MED9: variants seen among roughly 807,000 people sequenced by gnomAD.
MED9 encodes mediator complex subunit 9.
In MED9, 8 loss-of-function variants were observed where a neutral mutation model predicts 13.2. The observed-to-expected ratio is 0.61, with a 90% CI of 0.36 to 1.10. MED9 has a LOEUF of 1.10. Among genes scored for constraint, MED9 ranks in the 50% least tolerant of loss-of-function variants. MED9 has a pLI of 0.02. For synonymous variants in MED9, 87 were observed against 82.8 expected (o/e 1.05, Z -0.28); for missense variants, 180 against 193.4 (o/e 0.93, Z 0.41).
At position 17,483,288 on chromosome 17, in the gene MED9, G is replaced by A. The variant is rs1905063344; in HGVS notation, c.224+6023G>A. Among the ~76,000 whole-genome samples the A allele has an allele frequency of 6.6e-6, 1 of 152,166 alleles. No homozygotes were observed. The highest frequency in any genetic ancestry group is 2.1e-4 in the South Asian group (1 of 4,832). The stretch of plus-strand genomic sequence containing the variant: ...TTGTTCTCCATTCTTCTCAAATTGA[G>A]CCCAAACTTAGGCCTTTACTCAGGG... On this transcript the variant is annotated intron_variant, in intron 1 of 1. Transcript: ENST00000268711. This position sits in a 1 kb window ranked among gnomAD's most constrained non-coding sequence, Gnocchi z 4.2.
At chr17:17,489,924 G>A (rs1329432568) in intron 1 of MED9, among the ~76,000 whole-genome samples, 1 of 152,232 alleles carries the variant, frequency 6.6e-6, no homozygotes, top group African/African-American at 2.4e-5. Context: ...TTCTGCCTGC[G>A]TAAGCAGAGA....
chr17:17,492,382 C>G lies in MED9; in HGVS notation c.*887C>G, dbSNP rs1332217957. ...CTTGCTCTGGTTAAAAGGTCTTTCCCTCGTGGCCTTTGCACTTGCGGCAGC... is the reference window on the plus strand; with the variant it reads ...CTTGCTCTGGTTAAAAGGTCTTTCCGTCGTGGCCTTTGCACTTGCGGCAGC... On this transcript the variant is annotated 3_prime_UTR_variant, in exon 2 of 2. Transcript: ENST00000268711. The G allele has an allele frequency of 6.6e-6, 1 of 152,324 alleles. No individual in the cohort carries two copies. The highest frequency in any genetic ancestry group is 1.9e-4 in the East Asian group (1 of 5,198). The allele number at this position is 152,324 out of a possible 1,614,324, so 9.4% of individuals were successfully genotyped here. A position where few individuals can be genotyped will look rare whatever the true frequency, so the allele number is the denominator to read the frequency against.
chr17:17,484,876 C>T (rs997416838), intron 1 of MED9: 3 of 152,300 alleles, frequency 2.0e-5, no homozygotes, highest in Non-Finnish European at 2.9e-5. Context: ...TACGTGGGTC[C>T]TGGGAAGGGT....
Position 17,491,928 on chromosome 17 carries a change from T to TAC in MED9, c.*437_*438dup, listed in dbSNP as rs1905243342. The TAC allele has an allele frequency of 1.3e-5, 3 of 226,432 alleles. No individual in the cohort carries two copies. The highest frequency in any genetic ancestry group is 1.8e-5 in the Non-Finnish European group (2 of 112,234). 14.0% of individuals were successfully genotyped at this position (226,432 alleles called of 1,614,324 possible). ...CCCCATAGGATCAGTGTGTACCAGG[T>TAC]ACACATTGTTCCTGTTAACAGCAGC... On this transcript the variant is annotated 3_prime_UTR_variant, in exon 2 of 2. Coordinates refer to ENST00000268711, the MANE Select transcript of MED9 (RefSeq NM_018019.3).
intron 1 of MED9, among the ~76,000 whole-genome samples, chr17:17,479,577 C>T (rs939077196): frequency 1.3e-5 from 2 of 150,998 alleles, no homozygotes; most frequent in African/African-American, 4.9e-5. Flanking sequence ...GTAATCCCAA[C>T]ACTTTAGGAG....
intron 1 of MED9, chr17:17,487,464 G>T: frequency 6.1e-6 from 1 of 164,200 alleles, no homozygotes; most frequent in Non-Finnish European, 1.3e-5. Flanking sequence ...GAGACCACGA[G>T]CCCACCGGGA....
intron 1 of MED9, among the ~76,000 whole-genome samples, chr17:17,480,760 T>C (rs1905019943): frequency 6.6e-6 from 1 of 152,066 alleles, no homozygotes; most frequent in African/African-American, 2.4e-5. Context: ...CACAAAGGAA[T>C]GGAGTGGTTC....
intron 1 of MED9, among the ~76,000 whole-genome samples, chr17:17,480,347 A>G (rs549967064): frequency 1.5e-4 from 22 of 148,018 alleles, no homozygotes; most frequent in Non-Finnish European, 2.3e-4. Context: ...AAGACATTGG[A>G]AAAAAAAAAA....
chr17:17,490,678 A>G (rs1905212744), intron 1 of MED9, among the ~76,000 whole-genome samples: 1 of 152,204 alleles, frequency 6.6e-6, no homozygotes, highest in African/African-American at 2.4e-5. Context: ...TAACTAATCT[A>G]ACATTTATGA....
At position 17,492,817 on chromosome 17, in the gene MED9, A is replaced by C. The variant is rs1273149724; in HGVS notation, c.*1322A>C. On this transcript the variant is annotated 3_prime_UTR_variant, in exon 2 of 2. Transcript: ENST00000268711. ...TTTAGCAGAGCTTCCATTAGTGTAG[A>C]CCTGTAGCCACCTGTCAGAAGGTGG... 6.6e-6 allele frequency: 1 copy of C among 152,002 alleles called. No individual in the cohort carries two copies. The highest frequency in any genetic ancestry group is 1.5e-5 in the Non-Finnish European group (1 of 68,014). 9.4% of individuals were successfully genotyped at this position (152,002 alleles called of 1,614,324 possible). A position where few individuals can be genotyped will look rare whatever the true frequency, so the allele number is the denominator to read the frequency against.
chr17:17,489,252 T>A (rs143202178), intron 1 of MED9, among the ~76,000 whole-genome samples: 1 of 152,240 alleles, frequency 6.6e-6, no homozygotes, highest in African/African-American at 2.4e-5. Flanking sequence ...TTTTATTATC[T>A]GAAGACTGTC....
intron 1 of MED9, chr17:17,477,712 A>G (rs1904949836): frequency 1.3e-5 from 2 of 156,492 alleles, no homozygotes; most frequent in Admixed American, 1.3e-4. Flanking sequence ...TCACCCCCAA[A>G]GGTTTAGATA....
chr17:17,492,397 C>T lies in MED9; in HGVS notation c.*902C>T, dbSNP rs1258119941. The stretch of plus-strand genomic sequence containing the variant: ...AGGTCTTTCCCTCGTGGCCTTTGCA[C>T]TTGCGGCAGCAACGTGTACTACACT... On this transcript the variant is annotated 3_prime_UTR_variant, in exon 2 of 2. Coordinates refer to ENST00000268711, the MANE Select transcript of MED9 (RefSeq NM_018019.3). 6.6e-6 allele frequency: 1 copy of T among 152,304 alleles called. No homozygotes were observed. The highest frequency in any genetic ancestry group is 1.5e-5 in the Non-Finnish European group (1 of 68,070). 9.4% of individuals were successfully genotyped at this position (152,304 alleles called of 1,614,324 possible). A position where few individuals can be genotyped will look rare whatever the true frequency, so the allele number is the denominator to read the frequency against.
chr17:17,488,963 G>A (rs1043506419), intron 1 of MED9, among the ~76,000 whole-genome samples: 3 of 152,152 alleles, frequency 2.0e-5, no homozygotes, highest in East Asian at 1.9e-4. Context: ...ATAGTTGGCC[G>A]ATGACTAACC....
At chr17:17,486,925 CTG>C (rs1289682360) in intron 1 of MED9, 1 of 152,342 alleles carries the variant, frequency 6.6e-6, no homozygotes, top group Non-Finnish European at 1.5e-5. Context: ...AATCTACACT[CTG>C]TATCTAGCTG....
At chr17:17,486,479 G>A (rs1480129361) in intron 1 of MED9, 4 of 153,178 alleles carry the variant, frequency 2.6e-5, no homozygotes, top group Non-Finnish European at 5.8e-5. Flanking sequence ...CCCGTGCAAT[G>A]AGGGACTTAG....
Position 17,485,280 on chromosome 17 carries a change from T to A in MED9, c.225-5999T>A, listed in dbSNP as rs182126582. ...GCCTTTGTAAAAATACAAAAAAAAA[T>A]TTTTTTTTTGTATTTTTAGTAGAGA... On this transcript the variant is annotated intron_variant, in intron 1 of 1. Transcript: ENST00000268711. 1,271 of 370,672 alleles carry A rather than the reference T, an allele frequency of 3.4e-3. 25 individuals carry two copies. In the Admixed American group the frequency reaches 0.035, roughly 10 times the overall value. The allele number at this position is 370,672 out of a possible 1,614,324, so 23.0% of individuals were successfully genotyped here. A position where few individuals can be genotyped will look rare whatever the true frequency, so the allele number is the denominator to read the frequency against.
At chr17:17,487,145 A>T (rs1407106367) in intron 1 of MED9, 3 of 152,248 alleles carry the variant, frequency 2.0e-5, no homozygotes, top group African/African-American at 4.8e-5. Flanking sequence ...GTATCTAACT[A>T]ATCTGATGGG....
rs1905260960 is a variant in MED9, at chr17:17,492,624, A to T, written c.*1129A>T. ...ATTTGTGTGCTCTCCCTTGACTGTC[A>T]GATTGAAGTAAGAGCAGTTCTCTCC... On this transcript the variant is annotated 3_prime_UTR_variant, in exon 2 of 2. Transcript: ENST00000268711. The T allele has an allele frequency of 2.0e-5, 3 of 152,322 alleles. No homozygotes were observed. In the South Asian group the frequency reaches 6.2e-4, roughly 32 times the overall value. The allele number at this position is 152,322 out of a possible 1,614,324, so 9.4% of individuals were successfully genotyped here. A position where few individuals can be genotyped will look rare whatever the true frequency, so the allele number is the denominator to read the frequency against.
Sources: allele counts gnomAD v4.1 joint callset (sites outside exome capture counted in the v4.1 genomes callset), GRCh38; gene constraint gnomAD v4.1.1; non-coding constraint Gnocchi (gnomAD v3.1); transcripts MANE v1.5; gene names NCBI Gene and HGNC (gene_info 2026-07-23, HGNC 2026-07-21).